The following LTA4H variants were observed in gnomAD, a reference collection of about 807,000 sequenced individuals.
LTA4H encodes leukotriene A4 hydrolase, also known as leukotriene A-4 hydrolase.
In LTA4H, 59 loss-of-function variants were observed where a neutral mutation model predicts 89.8. The ratio of observed to expected loss-of-function variants is 0.66; its 90% CI spans 0.53 to 0.82. The LOEUF (loss-of-function observed/expected upper bound fraction) is 0.82. Among genes scored for constraint, LTA4H ranks in the 40% least tolerant of loss-of-function variants. The pLI, the probability that LTA4H is intolerant of heterozygous loss-of-function variation, is 0.00. For synonymous variants in LTA4H, 227 were observed against 253.1 expected (o/e 0.90, Z 0.98); for missense variants, 617 against 727.0 (o/e 0.85, Z 1.74).
chr12:96,019,899 GTTTTT>G (rs748833448), intron 6 of LTA4H, among the ~76,000 whole-genome samples: 1 of 120,932 alleles, frequency 8.3e-6, no homozygotes, highest in Non-Finnish European at 1.8e-5. Context: ...CACGCCCAGC[GTTTTT>G]TTTTTTTTTT....
chr12:96,043,043 C>A (rs1228744453), intron 1 of LTA4H, among the ~76,000 whole-genome samples: 2 of 152,326 alleles, frequency 1.3e-5, no homozygotes, highest in Non-Finnish European at 2.9e-5. Context: ...AGCACTCTGT[C>A]CTTGGACTGC....
intron 15 of LTA4H, 152 bp from the exon 16 acceptor site, chr12:96,006,561 C>T: frequency 1.9e-6 from 1 of 522,096 alleles, no homozygotes; most frequent in Non-Finnish European, 3.4e-6. Flanking sequence ...CTTAAATAAT[C>T]CTGAGATTGA....
At chr12:96,038,566 A>G (rs979682067), upstream of LTA4H, among the ~76,000 whole-genome samples, 1 of 151,552 alleles carries the variant, frequency 6.6e-6, no homozygotes, top group African/African-American at 2.4e-5. Context: ...TTTTTTAGAG[A>G]TGGGGTTTTG....
intron 15 of LTA4H, among the ~76,000 whole-genome samples, chr12:96,008,610 T>TC (rs1950245770): frequency 1.3e-5 from 2 of 152,158 alleles, no homozygotes; most frequent in African/African-American, 4.8e-5. Context: ...CATCAATTTT[T>TC]CCCCCCATAA....
At chr12:96,023,975 G>C (rs1269776979) in intron 4 of LTA4H, among the ~76,000 whole-genome samples, 8 of 151,836 alleles carry the variant, frequency 5.3e-5, no homozygotes, top group Non-Finnish European at 4.4e-5. Context: ...TGTCGCCCAG[G>C]CTGGAGTGCA....
chr12:96,038,633 C>T (rs1295883116), upstream of LTA4H, among the ~76,000 whole-genome samples: 1 of 151,736 alleles, frequency 6.6e-6, no homozygotes, highest in Non-Finnish European at 1.5e-5. Context: ...CCTGCCTTGG[C>T]CTTCCAAAGT....
At chr12:96,035,224 A>G in intron 1 of LTA4H, 137 bp downstream of exon 1, 1 of 841,492 alleles carries the variant, frequency 1.2e-6, no homozygotes, top group Non-Finnish European at 1.8e-6. Flanking sequence ...GATGGAGGCT[A>G]CAGAAGAGCA....
chr12:96,008,789 C>T (rs1448761892), intron 15 of LTA4H, among the ~76,000 whole-genome samples: 2 of 152,112 alleles, frequency 1.3e-5, no homozygotes, highest in African/African-American at 4.8e-5. Context: ...CATGGAGGCA[C>T]ATGCCTGTAG....
At chr12:96,036,109 T>C (rs550033971), upstream of LTA4H, among the ~76,000 whole-genome samples, 1 of 149,686 alleles carries the variant, frequency 6.7e-6, no homozygotes, top group Non-Finnish European at 1.5e-5. Context: ...TAATTGTTTT[T>C]TGTTTTTAGC....
chr12:96,027,982 G>GGACAA (rs1950530728), intron 2 of LTA4H: 1 of 152,282 alleles, frequency 6.6e-6, no homozygotes, highest in Non-Finnish European at 1.5e-5. Flanking sequence ...TACCGGCCCA[G>GGACAA]GACAAGACAA....
At chr12:96,028,455 C>T (rs901656928) in intron 2 of LTA4H, among the ~76,000 whole-genome samples, 3 of 152,126 alleles carry the variant, frequency 2.0e-5, no homozygotes, top group African/African-American at 7.2e-5. Flanking sequence ...CAATAGTTTT[C>T]ACCCTCTTTC....
At chr12:96,035,774 A>T (rs1950635667), upstream of LTA4H, 4 of 725,608 alleles carry the variant, frequency 5.5e-6, no homozygotes, top group South Asian at 6.0e-5. Context: ...GTTGAGGGGG[A>T]CCAAGCGTGC....
intron 16 of LTA4H, among the ~76,000 whole-genome samples, 160 bp downstream of exon 16, chr12:96,006,154 C>G (rs979648147): frequency 3.6e-4 from 54 of 152,088 alleles, no homozygotes; most frequent in Non-Finnish European, 1.8e-4. Flanking sequence ...ATATAAAACA[C>G]AGTAAGCATT....
chr12:96,022,366 G>C lies in LTA4H; in HGVS notation c.481-115C>G. On this transcript the variant is annotated intron_variant, in intron 4 of 18. Coordinates refer to ENST00000228740, the MANE Select transcript of LTA4H (RefSeq NM_000895.3). The surrounding 1 kb of genome is among the most constrained non-coding windows in gnomAD (Gnocchi z 4.0). ...CTTGACTATCTAATAAACAGACTATGAACACAAAAAGTATATACATATACA... is the reference window on the plus strand; with the variant it reads ...CTTGACTATCTAATAAACAGACTATCAACACAAAAAGTATATACATATACA... 3 of 644,108 alleles carry C rather than the reference G, an allele frequency of 4.7e-6. No individual in the cohort carries two copies. Among genetic ancestry groups the C allele is most frequent in the Non-Finnish European group, 8.0e-6 (3 of 376,100 alleles). The allele number at this position is 644,108 out of a possible 1,614,324, so 39.9% of individuals were successfully genotyped here. A position where few individuals can be genotyped will look rare whatever the true frequency, so the allele number is the denominator to read the frequency against.
chr12:96,023,851 TAA>T (rs1290785253), intron 4 of LTA4H, among the ~76,000 whole-genome samples: 3 of 152,220 alleles, frequency 2.0e-5, no homozygotes, highest in African/African-American at 7.2e-5. Flanking sequence ...TTTTAAAAGT[TAA>T]GTAAAAATTG....
upstream of LTA4H, among the ~76,000 whole-genome samples, chr12:96,035,993 CCTATCAGAAGG>C (rs1381166288): frequency 6.6e-6 from 1 of 152,134 alleles, no homozygotes; most frequent in Admixed American, 6.5e-5. Flanking sequence ...GTAGAAAAGG[CCTATCAGAAGG>C]CTTTCTTTCG....
chr12:96,041,982 T>C (rs202129739), intron 1 of LTA4H, among the ~76,000 whole-genome samples: 13 of 114,658 alleles, frequency 1.1e-4, no homozygotes, highest in Non-Finnish European at 1.5e-4. Flanking sequence ...TTTTGTTTTT[T>C]TTTCTTTTTT....
At chr12:96,010,932 G>A (rs1393934042) in intron 14 of LTA4H, 1 of 152,152 alleles carries the variant, frequency 6.6e-6, no homozygotes, top group Non-Finnish European at 1.5e-5. Context: ...TATAAAAAGA[G>A]GATCGTGGAA....
At chr12:96,015,147 T>C in intron 11 of LTA4H, 148 bp from the exon 12 acceptor site, 1 of 616,516 alleles carries the variant, frequency 1.6e-6, no homozygotes, top group Non-Finnish European at 2.7e-6. Context: ...TATGTTGGCA[T>C]AAACTTCTGG....
Sources: allele counts gnomAD v4.1 joint callset (sites outside exome capture counted in the v4.1 genomes callset), GRCh38; gene constraint gnomAD v4.1.1; non-coding constraint Gnocchi (gnomAD v3.1); transcripts MANE v1.5; gene names NCBI Gene and HGNC (gene_info 2026-07-23, HGNC 2026-07-21).